NREP: variants seen among roughly 807,000 people sequenced by gnomAD.
The protein encoded by NREP is neuronal regeneration-related protein.
In NREP, 5 loss-of-function variants were observed where a neutral mutation model predicts 8.6. The ratio of observed to expected loss-of-function variants is 0.58; its 90% CI spans 0.30 to 1.22. NREP has a LOEUF of 1.22. NREP is among the 50% of genes most tolerant of loss of function. The pLI is 0.07. For missense variants in NREP, 86 were observed against 82.5 expected, an observed-to-expected ratio of 1.04 and a Z score of -0.17; for synonymous variants, 27 against 28.0, an observed-to-expected ratio of 0.96 and a Z score of 0.11.
At chr5:111,933,376 G>A (rs1281266895) in intron 2 of NREP, among the ~76,000 whole-genome samples, 1 of 152,038 alleles carries the variant, frequency 6.6e-6, no homozygotes, top group Admixed American at 6.6e-5. Flanking sequence ...ATCTTAAAAG[G>A]GATCTCCAAA....
upstream of NREP, chr5:111,758,071 A>T (rs1251467202): frequency 6.1e-6 from 6 of 985,394 alleles, no homozygotes; most frequent in Admixed American, 6.1e-5. Context: ...TCAGACACAC[A>T]AAGAGTCCGC....
chr5:111,754,621 T>C (rs1750589069), intron 2 of NREP, among the ~76,000 whole-genome samples: 1 of 152,240 alleles, frequency 6.6e-6, no homozygotes, highest in African/African-American at 2.4e-5. Flanking sequence ...ATTGATTAGC[T>C]TAATTTTATG....
chr5:111,836,754 G>C (rs1381160213), intron 2 of NREP, among the ~76,000 whole-genome samples: 1 of 152,060 alleles, frequency 6.6e-6, no homozygotes, highest in Non-Finnish European at 1.5e-5. Flanking sequence ...ACTCAGGGTA[G>C]TCTGCAAAGA....
chr5:111,969,878 G>T (rs1222767609), intron 2 of NREP, among the ~76,000 whole-genome samples: 2 of 152,148 alleles, frequency 1.3e-5, no homozygotes, highest in Non-Finnish European at 2.9e-5. Flanking sequence ...GATTGAGAAG[G>T]GTGGGGACTA....
chr5:111,750,317 A>G (rs937614972), intron 2 of NREP, among the ~76,000 whole-genome samples: 15 of 152,338 alleles, frequency 9.8e-5, no homozygotes, highest in Admixed American at 9.1e-4. Flanking sequence ...CCTAAGTCCT[A>G]GAAATAAAAA....
chr5:111,873,220 TGAG>T (rs1457256953), intron 2 of NREP, among the ~76,000 whole-genome samples: 6 of 152,126 alleles, frequency 3.9e-5, no homozygotes, highest in Non-Finnish European at 8.8e-5. Context: ...GAAGAATAAC[TGAG>T]GAGAGATAAA....
intron 2 of NREP, among the ~76,000 whole-genome samples, chr5:111,857,924 T>C (rs7736253): frequency 0.072 from 10,892 of 151,644 alleles, 825 homozygotes; most frequent in African/African-American, 0.19. Context: ...AGTGGGAGTC[T>C]CTTTCAATAC....
At chr5:111,764,675 T>C (rs1751040038) in intron 2 of NREP, among the ~76,000 whole-genome samples, 1 of 152,208 alleles carries the variant, frequency 6.6e-6, no homozygotes, top group African/African-American at 2.4e-5. Flanking sequence ...TGAAAGATCT[T>C]TGCCTTTAGA....
intron 2 of NREP, among the ~76,000 whole-genome samples, chr5:111,753,663 T>C (rs145982790): frequency 1.3e-3 from 193 of 152,156 alleles, no homozygotes; most frequent in African/African-American, 4.6e-3. Flanking sequence ...GAAATACAAG[T>C]TTAACAGGAG....
upstream of NREP, among the ~76,000 whole-genome samples, chr5:111,762,037 C>T (rs1750971779): frequency 6.6e-6 from 1 of 151,922 alleles, no homozygotes; most frequent in Non-Finnish European, 1.5e-5. Flanking sequence ...AGTTCAATTT[C>T]AGAGAATATT....
chr5:111,769,363 G>T (rs1312800508), intron 2 of NREP, among the ~76,000 whole-genome samples: 1 of 152,180 alleles, frequency 6.6e-6, no homozygotes, highest in Non-Finnish European at 1.5e-5. Context: ...CAAGGCACAA[G>T]AAACAAATTA....
intron 2 of NREP, among the ~76,000 whole-genome samples, chr5:111,823,767 A>G (rs745453030): frequency 3.3e-5 from 5 of 152,192 alleles, no homozygotes; most frequent in Non-Finnish European, 5.9e-5. Context: ...AGTCCAGAGT[A>G]ATTCAATGTG....
At position 111,908,886 on chromosome 5, in the gene NREP, C is replaced by G. The variant is rs140010571; in HGVS notation, c.135+66388G>C. 2.6e-3 allele frequency among the ~76,000 whole-genome samples: 390 copies of G among 152,058 alleles called. 3 individuals are homozygous for G. The highest frequency in any genetic ancestry group is 8.8e-3 in the African/African-American group (365 of 41,524). ...CTTTTCTCTGCAGCCTCAACAGCAT[C>G]CGTTGTTTTTCTAACTTTTTAATAA... On this transcript the variant is annotated intron_variant, in intron 2 of 3. Transcript: ENST00000395634.
chr5:111,778,828 T>A (rs1751424136), intron 2 of NREP, among the ~76,000 whole-genome samples: 2 of 152,182 alleles, frequency 1.3e-5, no homozygotes, highest in South Asian at 4.1e-4. Flanking sequence ...ACATGTAAAA[T>A]ATCTTCAGAG....
chr5:111,844,556 G>C (rs1182036767), intron 2 of NREP, among the ~76,000 whole-genome samples: 1 of 150,394 alleles, frequency 6.6e-6, no homozygotes, highest in Non-Finnish European at 1.5e-5. Flanking sequence ...GAGCCAAAGA[G>C]TTGTTGGTGA....
chr5:111,796,756 A>G (rs1341990970), intron 2 of NREP, among the ~76,000 whole-genome samples: 1 of 152,206 alleles, frequency 6.6e-6, no homozygotes, highest in Non-Finnish European at 1.5e-5. Flanking sequence ...ATAATTGCCT[A>G]ATATTTTGGT....
intron 2 of NREP, among the ~76,000 whole-genome samples, chr5:111,929,630 A>G (rs1345745773): frequency 6.6e-6 from 1 of 152,218 alleles, no homozygotes; most frequent in Non-Finnish European, 1.5e-5. Context: ...AGAATTCTAT[A>G]AGAAATGAGA....
At chr5:111,887,959 A>T (rs922955455) in intron 2 of NREP, among the ~76,000 whole-genome samples, 1 of 152,212 alleles carries the variant, frequency 6.6e-6, no homozygotes, top group Admixed American at 6.6e-5. Context: ...AATCTTTGGA[A>T]ATTGAAGGAA....
intron 2 of NREP, among the ~76,000 whole-genome samples, chr5:111,878,365 A>C (rs527800742): frequency 1.3e-5 from 2 of 152,170 alleles, no homozygotes; most frequent in African/African-American, 4.8e-5. Context: ...CACATCTTAC[A>C]TGGCGGCAGG....
Sources: gnomAD v4.1 joint callset for allele counts (sites outside exome capture counted in the v4.1 genomes callset) on GRCh38, gnomAD v4.1.1 for gene constraint, MANE v1.5 for transcripts, NCBI Gene and HGNC (gene_info 2026-07-23, HGNC 2026-07-21) for gene names.